The following TAF1 variants were observed in gnomAD, a reference collection of about 807,000 sequenced individuals.
TAF1 encodes transcription initiation factor TFIID subunit 1.
Under a neutral mutation model 138.5 loss-of-function variants are expected in TAF1, and 2 were observed. The observed-to-expected ratio is 0.01, with a 90% CI of 0.01 to 0.05. The LOEUF (loss-of-function observed/expected upper bound fraction) is 0.05. TAF1 is among the 10% of genes least tolerant of loss of function. The probability of loss-of-function intolerance (pLI) is 1.00; values close to 1 mark genes in which losing one functional copy is unlikely to be tolerated. For synonymous variants in TAF1, 437 were observed against 503.2 expected (o/e 0.87, Z 1.76); for missense variants, 709 against 1,478.0 (o/e 0.48, Z 8.53).
intron 13 of TAF1, among the ~76,000 whole-genome samples, chrX:71,509,551 T>G (rs766062039): frequency 9.9e-5 from 11 of 111,062 alleles, no homozygotes; most frequent in Non-Finnish European, 2.1e-4. Context: ...TTGAAGGATA[T>G]TAGGGGCTGG....
intron 32 of TAF1, among the ~76,000 whole-genome samples, chrX:71,426,544 C>T (rs1378535037): frequency 2.7e-5 from 3 of 110,662 alleles, no homozygotes; most frequent in African/African-American, 6.6e-5. Flanking sequence ...GGAGAAACCC[C>T]GTCTCTACTA....
intron 13 of TAF1, among the ~76,000 whole-genome samples, chrX:71,513,660 T>C (rs1319758919): frequency 9.0e-6 from 1 of 111,275 alleles, no homozygotes; most frequent in African/African-American, 3.3e-5. Context: ...AGCAGGAGGA[T>C]GACTTGAAGC....
chrX:71,490,891 A>G (rs1338916031), intron 13 of TAF1, among the ~76,000 whole-genome samples: 1 of 108,827 alleles, frequency 9.2e-6, no homozygotes, highest in Non-Finnish European at 1.9e-5. Context: ...CCATTTTTGT[A>G]TTTTTAGTAG....
chrX:71,376,910 C>T (rs1602459008), intron 4 of TAF1, 40 bp from the exon 5 acceptor site: 2 of 1,202,236 alleles, frequency 1.7e-6, no homozygotes, highest in East Asian at 5.9e-5. Context: ...GAAATATGTT[C>T]ACAGTTACAT....
At chrX:71,440,471 G>T (rs1394347439) in intron 32 of TAF1, among the ~76,000 whole-genome samples, 1 of 108,904 alleles carries the variant, frequency 9.2e-6, no homozygotes, top group Non-Finnish European at 1.9e-5. Context: ...AATGGTATAT[G>T]TTTAGTTTTA....
chrX:71,379,338 A>G (rs1294373017), intron 8 of TAF1, among the ~76,000 whole-genome samples: 2 of 106,785 alleles, frequency 1.9e-5, no homozygotes, highest in Non-Finnish European at 3.9e-5. Context: ...CAGGTCTCGA[A>G]CTCCCGACCT....
At chrX:71,429,653 A>G (rs1044796882) in intron 32 of TAF1, among the ~76,000 whole-genome samples, 1 of 111,490 alleles carries the variant, frequency 9.0e-6, no homozygotes, top group South Asian at 3.8e-4. Flanking sequence ...TCTGAAACCC[A>G]TCTGAAGAAT....
intron 28 of TAF1, among the ~76,000 whole-genome samples, chrX:71,417,812 G>A (rs916223193): frequency 5.4e-5 from 6 of 111,440 alleles, no homozygotes; most frequent in South Asian, 7.5e-4. Flanking sequence ...TATCTCATAT[G>A]CAGCTCCTCC....
Position 71,464,009 on chromosome X carries a change from C to G in TAF1, c.5585C>G (p.Ser1862Cys). 8.3e-7 allele frequency: 1 copy of G among 1,197,926 alleles called. No individual in the cohort carries two copies. The highest frequency in any genetic ancestry group is 3.0e-5 in the East Asian group (1 of 33,179). Residue 1862 changes from serine (S) to cysteine (C), a missense_variant, in exon 38 of 38, where the codon TCC (serine) becomes TGC (cysteine). Ser to Cys is a moderately radical substitution (Grantham distance 112). This residue lies in a region of TAF1 where 123 missense variants were observed against 174.7 expected (regional missense o/e 0.70). Coordinates refer to ENST00000423759, the MANE Select transcript of TAF1 (RefSeq NM_004606.5). ...GAGGAGGACAGTGAGGATTTCCACT[C>G]CATTGCTGGGGACAGTGACTTGGAC... ...EDEEDSEDFHSIAGDSDLDSD... is the reference protein window; with the variant it reads ...EDEEDSEDFHCIAGDSDLDSD...
At chrX:71,451,631 C>T (rs1294591648) in intron 32 of TAF1, among the ~76,000 whole-genome samples, 1 of 109,894 alleles carries the variant, frequency 9.1e-6, no homozygotes, top group Non-Finnish European at 1.9e-5. Flanking sequence ...CGGCCTTCCG[C>T]AGTGTTTGTG....
At chrX:71,444,989 A>G (rs1402225486) in intron 32 of TAF1, among the ~76,000 whole-genome samples, 1 of 110,085 alleles carries the variant, frequency 9.1e-6, no homozygotes, top group African/African-American at 3.3e-5. Flanking sequence ...CAGCCTCCCA[A>G]TGTGCTGGGA....
intron 32 of TAF1, among the ~76,000 whole-genome samples, chrX:71,435,616 G>T: frequency 9.0e-6 from 1 of 111,683 alleles, no homozygotes; most frequent in Non-Finnish European, 1.9e-5. Context: ...ACTACTAGTT[G>T]CTCAGTGTCT....
chrX:71,514,082 T>C (rs1054517681), intron 13 of TAF1, among the ~76,000 whole-genome samples: 2 of 111,688 alleles, frequency 1.8e-5, no homozygotes, highest in African/African-American at 6.5e-5. Context: ...CTGCTCACTC[T>C]TTAGGTCCGC....
chrX:71,483,776 C>CTATATATATA (rs1292946317), intron 13 of TAF1, among the ~76,000 whole-genome samples: 6 of 63,582 alleles, frequency 9.4e-5, no homozygotes, highest in African/African-American at 2.1e-4. Flanking sequence ...CTCTCTCTCT[C>CTATATATATA]TCTCTATATA....
At chrX:71,505,474 T>C (rs977231411) in intron 13 of TAF1, among the ~76,000 whole-genome samples, 2 of 112,030 alleles carry the variant, frequency 1.8e-5, no homozygotes, top group Admixed American at 1.9e-4. Context: ...TATGATGTGA[T>C]GAAAACGGTA....
intron 28 of TAF1, chrX:71,413,945 T>C: frequency 9.0e-6 from 1 of 111,294 alleles, no homozygotes; most frequent in South Asian, 3.8e-4. Context: ...GATTTGCCCA[T>C]CCACGGATGT....
At chrX:71,387,506 G>C in intron 15 of TAF1, 45 bp downstream of exon 15, 1 of 1,190,039 alleles carries the variant, frequency 8.4e-7, no homozygotes. Context: ...TATACAGAAA[G>C]GGTATGTTGG....
intron 13 of TAF1, among the ~76,000 whole-genome samples, chrX:71,525,370 A>G (rs1228293690): frequency 8.9e-6 from 1 of 112,190 alleles, no homozygotes; most frequent in African/African-American, 3.2e-5. Context: ...GAGGGTAGAG[A>G]TAGGAAAACT....
chrX:71,502,904 C>G (rs371965438), intron 13 of TAF1, among the ~76,000 whole-genome samples: 19 of 109,969 alleles, frequency 1.7e-4, no homozygotes, highest in African/African-American at 6.3e-4. Flanking sequence ...CACCACTGCA[C>G]TCCAGCCTAG....
Sources: gnomAD v4.1 joint callset for allele counts (sites outside exome capture counted in the v4.1 genomes callset) on GRCh38, gnomAD v4.1.1 for gene constraint, gnomAD v4.1.1 regional missense constraint, MANE v1.5 for transcripts, NCBI Gene and HGNC (gene_info 2026-07-23, HGNC 2026-07-21) for gene names.